Variants in BTBD9 observed in about 807,000 individuals in gnomAD.
BTBD9 encodes the protein BTB/POZ domain-containing protein 9.
A neutral mutation model predicts 64.3 loss-of-function variants in BTBD9; 49 were observed. The observed-to-expected ratio is 0.76, with a 90% confidence interval of 0.61 to 0.97. The LOEUF (loss-of-function observed/expected upper bound fraction) is 0.97, where lower values mean the gene tolerates loss of function less well. Among genes scored for constraint, BTBD9 ranks in the 50% least tolerant of loss-of-function variants. BTBD9 has a pLI of 0.00. For synonymous variants in BTBD9, 260 were observed against 274.7 expected (o/e 0.95, Z 0.53); for missense variants, 598 against 762.1 (o/e 0.78, Z 2.53).
intron 6 of BTBD9, among the ~76,000 whole-genome samples, chr6:38,352,316 G>A (rs1764551343): frequency 6.6e-6 from 1 of 151,898 alleles, no homozygotes; most frequent in Admixed American, 6.6e-5. Context: ...AGTTGAGGCT[G>A]TAGTGAGCCA....
intron 6 of BTBD9, among the ~76,000 whole-genome samples, chr6:38,363,295 G>A (rs1765047165): frequency 6.6e-6 from 1 of 152,156 alleles, no homozygotes; most frequent in South Asian, 2.1e-4. Flanking sequence ...GGGAGTAATG[G>A]TTCATGCCTG....
At chr6:38,189,673 C>CT (rs58452564) in intron 10 of BTBD9, among the ~76,000 whole-genome samples, 32 of 148,032 alleles carry the variant, frequency 2.2e-4, no homozygotes, top group East Asian at 6.0e-4. Flanking sequence ...TTCTTTCTTT[C>CT]TTTTTTTTTT....
intron 7 of BTBD9, among the ~76,000 whole-genome samples, chr6:38,297,583 A>T (rs892216675): frequency 6.6e-6 from 1 of 152,146 alleles, no homozygotes; most frequent in Non-Finnish European, 1.5e-5. Context: ...TCTGATGTCA[A>T]GTAACTATAA....
chr6:38,565,482 A>G (rs879748835), intron 6 of BTBD9, among the ~76,000 whole-genome samples: 2 of 152,180 alleles, frequency 1.3e-5, no homozygotes, highest in Non-Finnish European at 2.9e-5. Flanking sequence ...CTATAAAACC[A>G]TCTGATCAAA....
chr6:38,242,805 T>C (rs971886703), intron 9 of BTBD9, among the ~76,000 whole-genome samples: 1 of 152,238 alleles, frequency 6.6e-6, no homozygotes, highest in African/African-American at 2.4e-5. Flanking sequence ...GCTGCTCCTA[T>C]ACTTCCAAGG....
intron 4 of BTBD9, chr6:38,588,283 A>T: frequency 8.8e-7 from 1 of 1,138,490 alleles, no homozygotes; most frequent in Non-Finnish European, 1.3e-6. Context: ...CTCAGCTGCC[A>T]CACAGTACCA....
intron 6 of BTBD9, among the ~76,000 whole-genome samples, chr6:38,526,333 A>G (rs1211798910): frequency 6.6e-6 from 1 of 152,210 alleles, no homozygotes. Flanking sequence ...GAGGCCTGGG[A>G]GCCTGCACCT....
chr6:38,495,728 G>C (rs964970372), intron 6 of BTBD9, among the ~76,000 whole-genome samples: 2 of 145,910 alleles, frequency 1.4e-5, no homozygotes, highest in African/African-American at 5.0e-5. Context: ...AGTATGACTG[G>C]AGGACAGGGC....
intron 9 of BTBD9, among the ~76,000 whole-genome samples, chr6:38,252,189 CTA>C (rs1184485699): frequency 1.3e-5 from 2 of 152,068 alleles, no homozygotes; most frequent in Admixed American, 6.6e-5. Context: ...CAGCAAAAAT[CTA>C]TGTTTTGATT....
At chr6:38,434,939 A>G (rs1221214288) in intron 6 of BTBD9, among the ~76,000 whole-genome samples, 1 of 151,862 alleles carries the variant, frequency 6.6e-6, no homozygotes, top group African/African-American at 2.4e-5. Context: ...TCACGTCTGT[A>G]ATCCCAACAC....
intron 1 of BTBD9, among the ~76,000 whole-genome samples, chr6:38,615,496 C>A (rs1421037786): frequency 6.6e-6 from 1 of 152,132 alleles, no homozygotes; most frequent in African/African-American, 2.4e-5. Flanking sequence ...GCCACACTGG[C>A]CTTACTGTTC....
intron 9 of BTBD9, among the ~76,000 whole-genome samples, chr6:38,203,496 C>T (rs978754983): frequency 6.6e-6 from 1 of 152,070 alleles, no homozygotes; most frequent in Non-Finnish European, 1.5e-5. Context: ...TGGAATCAAC[C>T]TAAGTGTCCA....
chr6:38,630,173 C>G (rs924809011), intron 1 of BTBD9, among the ~76,000 whole-genome samples: 4 of 146,084 alleles, frequency 2.7e-5, no homozygotes, highest in African/African-American at 5.1e-5. Context: ...CACCGCACTC[C>G]TGGGCAACAA....
At chr6:38,588,524 C>A (rs1423931665) in intron 4 of BTBD9, 4 of 820,744 alleles carry the variant, frequency 4.9e-6, no homozygotes, top group African/African-American at 3.4e-5. Context: ...ACCTGGTTAT[C>A]GATAACGAGG....
At chr6:38,498,378 C>T (rs1772048293) in intron 6 of BTBD9, among the ~76,000 whole-genome samples, 1 of 147,852 alleles carries the variant, frequency 6.8e-6, no homozygotes, top group African/African-American at 2.5e-5. Flanking sequence ...TTCTACATCA[C>T]ATAAGCTAAA....
rs538881053 is a variant in BTBD9, at chr6:38,188,927, C to T, written c.1641+3592G>A. On this transcript the variant is annotated intron_variant, in intron 10 of 10. Coordinates refer to ENST00000481247, the MANE Select transcript of BTBD9 (RefSeq NM_001099272.2). Reference sequence around the variant, plus strand: ...GACGGCCCTCACCAAGAACCAGAGCCTGCTGGCACCCTGACCTCAGACTCC... The same window carrying T: ...GACGGCCCTCACCAAGAACCAGAGCTTGCTGGCACCCTGACCTCAGACTCC... Among the ~76,000 whole-genome samples the T allele has an allele frequency of 2.6e-4, 39 of 152,294 alleles. No individual in the cohort carries two copies. The South Asian group carries it at 7.7e-3, about 30-fold the overall frequency.
chr6:38,392,929 C>T (rs1229589681), intron 6 of BTBD9, among the ~76,000 whole-genome samples: 5 of 141,602 alleles, frequency 3.5e-5, no homozygotes, highest in African/African-American at 1.4e-4. Context: ...GGCTAGAGTG[C>T]AGTGGCATGA....
intron 9 of BTBD9, among the ~76,000 whole-genome samples, chr6:38,228,350 C>CG (rs1367040263): frequency 2.0e-5 from 1 of 51,092 alleles, no homozygotes; most frequent in Admixed American, 2.0e-4. Flanking sequence ...GTCCCCCCCC[C>CG]CAAAAAAAAA....
chr6:38,281,312 C>T (rs573627234), intron 8 of BTBD9, among the ~76,000 whole-genome samples: 119 of 152,232 alleles, frequency 7.8e-4, no homozygotes, highest in African/African-American at 2.8e-3. Context: ...AATAGATAAT[C>T]TAGAGTTGGT....
Sources: allele counts gnomAD v4.1 joint callset (sites outside exome capture counted in the v4.1 genomes callset), GRCh38; gene constraint gnomAD v4.1.1; transcripts MANE v1.5; gene names NCBI Gene and HGNC (gene_info 2026-07-23, HGNC 2026-07-21).